Variants in EVC observed in about 807,000 individuals in gnomAD.
EVC encodes the protein evC complex member EVC.
A neutral mutation model predicts 118.9 loss-of-function variants in EVC; 116 were observed. That is an observed-to-expected ratio of 0.98 (90% CI 0.84 to 1.14). EVC has a LOEUF of 1.14. Among genes scored for constraint, EVC ranks in the 50% most tolerant of loss-of-function variants. The pLI, the probability that EVC is intolerant of heterozygous loss-of-function variation, is 0.00. For missense variants in EVC, 1,401 were observed against 1,246.4 expected (o/e 1.12, Z -1.87); for synonymous variants, 619 against 534.7 (o/e 1.16, Z -2.18).
At position 5,755,692 on chromosome 4, in the gene EVC, T is replaced by G. The variant is rs1283660186; in HGVS notation, c.1465-572T>G. On this transcript the variant is annotated intron_variant, in intron 10 of 20. Coordinates refer to ENST00000264956, the MANE Select transcript of EVC (RefSeq NM_153717.3). The surrounding 1 kb of genome is among the most constrained non-coding windows in gnomAD (Gnocchi z 4.1). ...AACAGGGAATTTTCTCCTGCAACCC[T>G]TCCCTGAGAAGGGTCTGTTCCTCTG... 6.6e-6 allele frequency among the ~76,000 whole-genome samples: 1 copy of G among 152,148 alleles called. No homozygotes were observed. Among genetic ancestry groups the G allele is most frequent in the Non-Finnish European group, 1.5e-5 (1 of 68,020 alleles).
At chr4:5,747,504 C>T (rs1398895568) in intron 7 of EVC, among the ~76,000 whole-genome samples, 2 of 152,168 alleles carry the variant, frequency 1.3e-5, no homozygotes, top group African/African-American at 2.4e-5. Flanking sequence ...CAGAGCCTGG[C>T]GAACAGCCTG....
At chr4:5,810,628 G>A (rs1406949030) in intron 20 of EVC, among the ~76,000 whole-genome samples, 178 bp downstream of exon 20, 2 of 152,160 alleles carry the variant, frequency 1.3e-5, no homozygotes, top group East Asian at 1.9e-4. Flanking sequence ...ATGATACCAG[G>A]GGTGCCACAT....
the EVC span, chr4:5,824,571 T>C: frequency 1.3e-5 from 13 of 975,714 alleles, no homozygotes; most frequent in Non-Finnish European, 1.6e-5. Flanking sequence ...AACGGGTCCA[T>C]TGACCAAATC....
intron 11 of EVC, among the ~76,000 whole-genome samples, chr4:5,780,892 C>A (rs1393770160): frequency 2.6e-5 from 4 of 152,190 alleles, no homozygotes; most frequent in African/African-American, 7.2e-5. Flanking sequence ...CCAGAGGAAA[C>A]CAGGCACAAG....
rs1264259455 is a variant in EVC, at chr4:5,789,710, C to A, written c.1777-3898C>A. Reference sequence around the variant, plus strand: ...CACCTCTTCTGAATGTAAGCATTTACAAGCCTGCATTTGATAATGCTGAAG... The same window carrying A: ...CACCTCTTCTGAATGTAAGCATTTAAAAGCCTGCATTTGATAATGCTGAAG... On this transcript the variant is annotated intron_variant, in intron 12 of 20. Coordinates refer to ENST00000264956, the MANE Select transcript of EVC (RefSeq NM_153717.3). The surrounding 1 kb of genome is among the most constrained non-coding windows in gnomAD (Gnocchi z 4.3). Among the ~76,000 whole-genome samples, 1 of 152,218 alleles carries A rather than the reference C, an allele frequency of 6.6e-6. No individual in the cohort carries two copies. Among genetic ancestry groups the A allele is most frequent in the Non-Finnish European group, 1.5e-5 (1 of 68,036 alleles).
At chr4:5,780,584 C>T (rs1253222906) in intron 11 of EVC, among the ~76,000 whole-genome samples, 1 of 152,178 alleles carries the variant, frequency 6.6e-6, no homozygotes, top group Non-Finnish European at 1.5e-5. Context: ...TTATTATCAC[C>T]TGTCATTTTC....
chr4:5,714,788 C>CT (rs974220605), intron 1 of EVC, among the ~76,000 whole-genome samples: 7 of 152,056 alleles, frequency 4.6e-5, no homozygotes, highest in Admixed American at 6.6e-5. Context: ...TAGCTATTCT[C>CT]TTTTTTTGTT....
intron 1 of EVC, among the ~76,000 whole-genome samples, chr4:5,714,077 C>G (rs148727869): frequency 2.6e-5 from 4 of 152,356 alleles, no homozygotes; most frequent in Non-Finnish European, 4.4e-5. Flanking sequence ...CACTTCTGCA[C>G]ATCTGTTCTC....
chr4:5,783,752 G>C lies in EVC; in HGVS notation c.1764G>C (p.Glu588Asp). ...QQWKLFQELL[E>D]QDQQVWMEEC... ...GGAAACTCTTCCAGGAGCTCCTAGA[G>C]CAAGACCAGCAGGTGCGGGCATTTG... The change falls in exon 12 of 21, where the codon GAG becomes GAC. Residue 588 changes from glutamate (E) to aspartate (D), a missense_variant. Coordinates refer to ENST00000264956, the MANE Select transcript of EVC (RefSeq NM_153717.3). The C allele has an allele frequency of 2.5e-6, 4 of 1,611,598 alleles. No homozygotes were observed. The South Asian group carries it at 4.4e-5, about 18-fold the overall frequency.
At chr4:5,774,712 G>A (rs916145271) in intron 11 of EVC, among the ~76,000 whole-genome samples, 1 of 152,136 alleles carries the variant, frequency 6.6e-6, no homozygotes, top group Non-Finnish European at 1.5e-5. Flanking sequence ...TCTGTTTGAG[G>A]GGGAGGGGAT....
In EVC at chr4:5,798,754, G is replaced by T. The variant is rs1191689703; in HGVS notation, c.2266G>T (p.Ala756Ser). 6.2e-7 allele frequency: 1 copy of T among 1,611,262 alleles called. No homozygotes were observed. Among genetic ancestry groups the T allele is most frequent in the Admixed American group, 1.7e-5 (1 of 60,016 alleles). The change falls in exon 15 of 21, where the codon GCC becomes TCC. Residue 756 changes from alanine to serine, a missense_variant. Transcript: ENST00000264956. The surrounding 1 kb of genome is among the most constrained non-coding windows in gnomAD (Gnocchi z 4.1). ...GCTGCTGGTGCATGCACGGAATGCA[G>T]CCACCAAGAGCCGGGCCAAGGACAG... Reference protein sequence around the residue: ...QALLVHARNAATKSRAKDRDD... With the variant: ...QALLVHARNASTKSRAKDRDD...
At chr4:5,761,669 G>T (rs1476693157) in intron 11 of EVC, among the ~76,000 whole-genome samples, 1 of 151,910 alleles carries the variant, frequency 6.6e-6, no homozygotes, top group Admixed American at 6.5e-5. Flanking sequence ...CTGTACCTGG[G>T]AAGATAAGCC....
chr4:5,777,383 C>G (rs964387305), intron 11 of EVC, among the ~76,000 whole-genome samples: 4 of 152,106 alleles, frequency 2.6e-5, no homozygotes, highest in African/African-American at 9.7e-5. Context: ...AATGGTTTAC[C>G]AGGCCCCCAC....
At chr4:5,824,670 G>A in the EVC span, 1 of 952,676 alleles carries the variant, frequency 1.0e-6, no homozygotes, top group African/African-American at 1.8e-5. Context: ...CCTAGATGTT[G>A]ACATCCTAGA....
chr4:5,715,654 T>C (rs10937666), intron 1 of EVC, among the ~76,000 whole-genome samples: 125,809 of 151,774 alleles, frequency 0.83, 52,448 homozygotes, highest in African/African-American at 0.91. Flanking sequence ...TGAAAATATA[T>C]TCTTCTATCT....
chr4:5,783,286 G>A (rs536525213), intron 11 of EVC, among the ~76,000 whole-genome samples: 2 of 152,206 alleles, frequency 1.3e-5, no homozygotes, highest in Non-Finnish European at 2.9e-5. Context: ...ATGCATATGT[G>A]TATGAGTACA....
rs150774943 is a variant in EVC at position 5,769,712 on chromosome 4, T to G, written c.1563+13350T>G. 1.0e-2 allele frequency among the ~76,000 whole-genome samples: 1,518 copies of G among 152,244 alleles called. 17 individuals carry two copies. Among genetic ancestry groups the G allele is most frequent in the Middle Eastern group, 0.017 (5 of 294 alleles). On this transcript the variant is annotated intron_variant, in intron 11 of 20. Coordinates refer to ENST00000264956, the MANE Select transcript of EVC (RefSeq NM_153717.3). Reference sequence around the variant, plus strand: ...ACTGTCCCCCCATAGCTGTTTCTCTTGAAAGGCTCTGGGAGAAGGTGGTAA... The same window carrying G: ...ACTGTCCCCCCATAGCTGTTTCTCTGGAAAGGCTCTGGGAGAAGGTGGTAA...
rs1341542072 is a variant in EVC, at chr4:5,797,210, A to G, written c.2075A>G (p.Gln692Arg). Residue 692 changes from glutamine to arginine, a missense_variant, in exon 14 of 21, where the codon CAG becomes CGG. Gln to Arg is a conservative substitution (Grantham distance 43). Coordinates refer to ENST00000264956, the MANE Select transcript of EVC (RefSeq NM_153717.3). ...QGSSQCLDEH[Q>R]WQLLRALEAR... ...TCCTCCCAGTGCCTGGACGAGCATCAGTGGCAGCTGCTCAGGGCCCTGGTA... is the reference window on the plus strand; with the variant it reads ...TCCTCCCAGTGCCTGGACGAGCATCGGTGGCAGCTGCTCAGGGCCCTGGTA... 1 of 1,611,366 alleles carries G rather than the reference A, an allele frequency of 6.2e-7. No individual in the cohort carries two copies. The highest frequency in any genetic ancestry group is 8.5e-7 in the Non-Finnish European group (1 of 1,179,592).
chr4:5,773,108 C>T (rs903713000), intron 11 of EVC, among the ~76,000 whole-genome samples: 7 of 152,192 alleles, frequency 4.6e-5, no homozygotes, highest in Middle Eastern at 3.2e-3. Context: ...GCCTTGCCTG[C>T]GGTAGGTGCC....
Sources: allele counts gnomAD v4.1 joint callset (sites outside exome capture counted in the v4.1 genomes callset), GRCh38; gene constraint gnomAD v4.1.1; non-coding constraint Gnocchi (gnomAD v3.1); transcripts MANE v1.5; gene names NCBI Gene and HGNC (gene_info 2026-07-23, HGNC 2026-07-21).